The following AGBL1 variants were observed in gnomAD, a reference collection of about 807,000 sequenced individuals.
AGBL1 encodes AGBL carboxypeptidase 1.
Under a neutral mutation model 118.9 loss-of-function variants are expected in AGBL1, and 130 were observed. The ratio of observed to expected loss-of-function variants is 1.09; its 90% CI spans 0.95 to 1.26. AGBL1 has a LOEUF of 1.26. Among genes scored for constraint, AGBL1 ranks in the 50% most tolerant of loss-of-function variants. AGBL1 has a pLI of 0.00. For synonymous variants in AGBL1, 555 were observed against 478.9 expected (o/e 1.16, Z -2.08); for missense variants, 1,584 against 1,298.1 (o/e 1.22, Z -3.38).
At chr15:86,489,747 G>A (rs1019242086) in intron 18 of AGBL1, among the ~76,000 whole-genome samples, 10 of 152,100 alleles carry the variant, frequency 6.6e-5, no homozygotes, top group East Asian at 1.9e-4. Flanking sequence ...AGACATTTGC[G>A]ATTTTGCCCT....
At chr15:86,833,366 G>T (rs184112459) in intron 22 of AGBL1, among the ~76,000 whole-genome samples, 2 of 152,114 alleles carry the variant, frequency 1.3e-5, no homozygotes, top group African/African-American at 2.4e-5. Context: ...GGGACCTAGC[G>T]GGAGGTAATT....
At chr15:86,940,126 C>T (rs149773624) in intron 23 of AGBL1, among the ~76,000 whole-genome samples, 11 of 124,868 alleles carry the variant, frequency 8.8e-5, no homozygotes, top group Middle Eastern at 7.7e-3. Flanking sequence ...TCAGCCTGGG[C>T]TCGAACTTCT....
At chr15:86,776,771 TGTGTGTGTGTGTGTGTGTGA>T (rs1489375726) in intron 22 of AGBL1, among the ~76,000 whole-genome samples, 1 of 151,034 alleles carries the variant, frequency 6.6e-6, no homozygotes, top group African/African-American at 2.4e-5. Context: ...TGTGTGTGTG[TGTGTGTGTGTGTGTGTGTGA>T]GAGAGAGAGA....
At chr15:86,574,467 G>A (rs1037106039) in intron 21 of AGBL1, among the ~76,000 whole-genome samples, 1 of 152,032 alleles carries the variant, frequency 6.6e-6, no homozygotes, top group Non-Finnish European at 1.5e-5. Context: ...AGAACTGGTG[G>A]CACCTAAGGC....
At chr15:86,873,846 C>T (rs2079765252) in intron 22 of AGBL1, among the ~76,000 whole-genome samples, 1 of 151,914 alleles carries the variant, frequency 6.6e-6, no homozygotes, top group Admixed American at 6.6e-5. Flanking sequence ...ATATTTTTTG[C>T]CTTCAGCATA....
chr15:86,377,469 A>T (rs1416865276), intron 17 of AGBL1, among the ~76,000 whole-genome samples: 3 of 152,186 alleles, frequency 2.0e-5, no homozygotes, highest in African/African-American at 7.2e-5. Flanking sequence ...TTTTTGCTCT[A>T]AAATAACAGT....
chr15:86,299,495 G>A (rs541230910), intron 17 of AGBL1, among the ~76,000 whole-genome samples: 4 of 152,200 alleles, frequency 2.6e-5, no homozygotes, highest in South Asian at 4.2e-4. Context: ...ACAGCAGAAC[G>A]GGAGTGAGGA....
At chr15:86,519,715 T>C (rs551010334) in intron 18 of AGBL1, among the ~76,000 whole-genome samples, 8 of 151,760 alleles carry the variant, frequency 5.3e-5, no homozygotes, top group Non-Finnish European at 1.0e-4. Context: ...TCACATGGGC[T>C]TCCCAAATCC....
At position 86,913,859 on chromosome 15, in the gene AGBL1, G is replaced by A. The variant is rs2141606786; in HGVS notation, c.*6565G>A. ...ACTGCACTCCTGCCTAGGTGGCAGA[G>A]TGAGACCCTGTACTCTGTCTAAAAG... On this transcript the variant is annotated 3_prime_UTR_variant, in exon 23 of 23. Coordinates refer to ENST00000614907, the MANE Select transcript of AGBL1 (RefSeq NM_001386094.1). 1 of 152,332 alleles carries A rather than the reference G, an allele frequency of 6.6e-6. No homozygotes were observed. Among genetic ancestry groups the A allele is most frequent in the African/African-American group, 2.4e-5 (1 of 41,560 alleles). The allele number at this position is 152,332 out of a possible 1,614,324, so 9.4% of individuals were successfully genotyped here.
At chr15:86,328,888 G>T (rs756952180) in intron 17 of AGBL1, among the ~76,000 whole-genome samples, 5 of 152,162 alleles carry the variant, frequency 3.3e-5, no homozygotes, top group African/African-American at 1.2e-4. Context: ...TTTTAATTTG[G>T]GCTCATATAA....
At chr15:86,219,139 T>C (rs180845368) in intron 5 of AGBL1, among the ~76,000 whole-genome samples, 1 of 152,278 alleles carries the variant, frequency 6.6e-6, no homozygotes. Context: ...TAGGAGCACA[T>C]TTTTTCTCCA....
intron 6 of AGBL1, among the ~76,000 whole-genome samples, chr15:86,241,683 A>G (rs1396894896): frequency 6.6e-6 from 1 of 152,222 alleles, no homozygotes. Flanking sequence ...TCACAAGAGA[A>G]GAGCCTTCCT....
intron 24 of AGBL1, among the ~76,000 whole-genome samples, chr15:87,008,989 T>A (rs1408901232): frequency 6.6e-6 from 1 of 152,188 alleles, no homozygotes; most frequent in Admixed American, 6.5e-5. Context: ...ATTTGCAGCC[T>A]GACAATGCGA....
intron 23 of AGBL1, among the ~76,000 whole-genome samples, chr15:86,958,344 G>A (rs2080955067): frequency 6.6e-6 from 1 of 152,056 alleles, no homozygotes; most frequent in African/African-American, 2.4e-5. Context: ...TCCAGACATT[G>A]CCAAATGCCC....
intron 22 of AGBL1, among the ~76,000 whole-genome samples, chr15:86,787,331 A>G (rs1596480401): frequency 6.6e-6 from 1 of 152,106 alleles, no homozygotes; most frequent in African/African-American, 2.4e-5. Flanking sequence ...CATGCTGTAC[A>G]TTAGATCTCT....
At chr15:86,327,944 T>C (rs1470569545) in intron 17 of AGBL1, among the ~76,000 whole-genome samples, 1 of 152,204 alleles carries the variant, frequency 6.6e-6, no homozygotes, top group Non-Finnish European at 1.5e-5. Context: ...AAGAAGAATA[T>C]GGTTTAGGAT....
chr15:86,232,236 C>T lies in AGBL1; in HGVS notation c.526+7285C>T, dbSNP rs76279077. On this transcript the variant is annotated intron_variant, in intron 6 of 22. Coordinates refer to ENST00000614907, the MANE Select transcript of AGBL1 (RefSeq NM_001386094.1). The stretch of plus-strand genomic sequence containing the variant: ...AAGCTAAAGGGATACTACCTGTCCT[C>T]GTCGCCCCCATCCCTGTCCCCTTGG... Among the ~76,000 whole-genome samples the T allele has an allele frequency of 5.1e-3, 780 of 152,350 alleles. 4 individuals are homozygous for T. The highest frequency in any genetic ancestry group is 9.5e-3 in the Non-Finnish European group (648 of 68,034).
At chr15:86,705,794 G>A (rs908464518) in intron 22 of AGBL1, among the ~76,000 whole-genome samples, 17 of 152,096 alleles carry the variant, frequency 1.1e-4, no homozygotes, top group African/African-American at 4.1e-4. Flanking sequence ...GCACATCAAG[G>A]TGTCTCTAGT....
intron 22 of AGBL1, among the ~76,000 whole-genome samples, chr15:86,833,672 G>T (rs918747820): frequency 1.3e-5 from 2 of 152,064 alleles, no homozygotes; most frequent in East Asian, 3.9e-4. Context: ...AAAGAATGCT[G>T]GAATAGCCTG....
Sources: allele counts gnomAD v4.1 joint callset (sites outside exome capture counted in the v4.1 genomes callset), GRCh38; gene constraint gnomAD v4.1.1; transcripts MANE v1.5; gene names NCBI Gene and HGNC (gene_info 2026-07-23, HGNC 2026-07-21).